The following HMGB1 variants were observed in gnomAD, a reference collection of about 807,000 sequenced individuals.
The protein encoded by HMGB1 is high mobility group box 1.
For synonymous variants in HMGB1, 81 were observed against 84.0 expected (o/e 0.96, Z 0.19); for missense variants, 79 against 253.5 (o/e 0.31, Z 4.67).
intron 1 of HMGB1, among the ~76,000 whole-genome samples, chr13:30,551,536 T>C (rs2137513553): frequency 6.6e-6 from 1 of 152,360 alleles, no homozygotes; most frequent in East Asian, 1.9e-4. Context: ...ATTAAACTGC[T>C]GCTAAAGTGA....
rs1555238869 is a variant in HMGB1, at chr13:30,538,667, T to TC, written c.-14-74974dup. Among the ~76,000 whole-genome samples, 120 of 17,768 alleles carry TC rather than the reference T, an allele frequency of 6.8e-3. 2 individuals carry two copies. The highest frequency in any genetic ancestry group is 0.014 in the African/African-American group (113 of 8,134). 11.7% of individuals were successfully genotyped at this position (17,768 alleles called of 152,430 possible). A position where few individuals can be genotyped will look rare whatever the true frequency, so the allele number is the denominator to read the frequency against. ...CCTTTCTTTCTTTCTTTCTTTCCTT[T>TC]CTTTCTTTCTTTCTTTCCTTTCTTT... On this transcript the variant is annotated intron_variant, in intron 1 of 4. Coordinates refer to the HMGB1 transcript ENST00000405805.
chr13:30,507,016 C>T (rs532978118), intron 1 of HMGB1, among the ~76,000 whole-genome samples: 62 of 152,294 alleles, frequency 4.1e-4, no homozygotes, highest in Middle Eastern at 3.4e-3. Context: ...CAAAGCAAAG[C>T]GATCAGGGTG....
At chr13:30,586,709 T>A (rs9508804) in intron 1 of HMGB1, among the ~76,000 whole-genome samples, 26,345 of 151,938 alleles carry the variant, frequency 0.17, 2,938 homozygotes, top group Middle Eastern at 0.33. Context: ...GGTCTTAAAC[T>A]CCTGACCTCA....
At chr13:30,538,621 CTCT>C (rs1868643989) in intron 1 of HMGB1, among the ~76,000 whole-genome samples, 1 of 109,290 alleles carries the variant, frequency 9.1e-6, no homozygotes, top group African/African-American at 5.3e-5. Context: ...CTCTTTCTCT[CTCT>C]CTTTCTTTTT....
At chr13:30,521,298 A>G (rs1342315812) in intron 1 of HMGB1, among the ~76,000 whole-genome samples, 2 of 152,242 alleles carry the variant, frequency 1.3e-5, no homozygotes, top group Non-Finnish European at 1.5e-5. Flanking sequence ...TATGTTGAGA[A>G]TGTACTGATA....
intron 3 of HMGB1, 124 bp downstream of exon 3, chr13:30,463,083 C>A (rs942506862): frequency 1.0e-6 from 1 of 955,738 alleles, no homozygotes. Flanking sequence ...CCAATATGAA[C>A]AAGTATTAGC....
intron 1 of HMGB1, among the ~76,000 whole-genome samples, chr13:30,538,599 T>TTTTC (rs1332312388): frequency 7.1e-6 from 1 of 140,510 alleles, no homozygotes; most frequent in Non-Finnish European, 1.5e-5. Context: ...TCTTTCTTCT[T>TTTTC]TTTCTTTCTT....
At chr13:30,498,626 AATTATTATTATTATT>A (rs71192659) in intron 1 of HMGB1, among the ~76,000 whole-genome samples, 51 of 143,966 alleles carry the variant, frequency 3.5e-4, no homozygotes, top group Middle Eastern at 3.6e-3. Flanking sequence ...GGAATCAGCA[AATTATTATTATTATT>A]ATTATTATTA....
At position 30,538,535 on chromosome 13, in the gene HMGB1, TC is replaced by T. The variant is rs1167636423; in HGVS notation, c.-14-74842del. On this transcript the variant is annotated intron_variant, in intron 1 of 4. Transcript: ENST00000405805. ...CCTTTCTTTCTTTCCTTTCTTTCTTTCCTTTCTTTCTTTCTTTCTTTTTCTT... is the reference window on the plus strand; with the variant it reads ...CCTTTCTTTCTTTCCTTTCTTTCTTTCTTTCTTTCTTTCTTTCTTTTTCTT... 8.1e-5 allele frequency among the ~76,000 whole-genome samples: 11 copies of T among 136,138 alleles called. 1 individual carries two copies. The highest frequency in any genetic ancestry group is 3.6e-4 in the African/African-American group (11 of 30,590). The allele number at this position is 136,138 out of a possible 152,430, so 89.3% of individuals were successfully genotyped here.
At chr13:30,488,426 T>G (rs868751510) in intron 1 of HMGB1, among the ~76,000 whole-genome samples, 4 of 152,076 alleles carry the variant, frequency 2.6e-5, no homozygotes, top group Non-Finnish European at 4.4e-5. Flanking sequence ...CCCAAAAGAT[T>G]CAAAGTAGTA....
At chr13:30,550,063 T>C (rs576297655) in intron 1 of HMGB1, among the ~76,000 whole-genome samples, 1 of 151,092 alleles carries the variant, frequency 6.6e-6, no homozygotes, top group African/African-American at 2.5e-5. Flanking sequence ...CTTTTATAAA[T>C]TAATATTCAA....
chr13:30,601,088 G>A (rs949890323), intron 1 of HMGB1, among the ~76,000 whole-genome samples: 3 of 151,998 alleles, frequency 2.0e-5, no homozygotes, highest in Non-Finnish European at 4.4e-5. Context: ...TGTAATCTCC[G>A]CCACCCTTAA....
chr13:30,570,064 G>A (rs996819574), intron 1 of HMGB1, among the ~76,000 whole-genome samples: 9 of 152,170 alleles, frequency 5.9e-5, no homozygotes, highest in South Asian at 2.1e-4. Context: ...GGTCAACAGC[G>A]ATTTCTTTGT....
At chr13:30,539,414 T>G (rs1172140421) in intron 1 of HMGB1, among the ~76,000 whole-genome samples, 1 of 152,250 alleles carries the variant, frequency 6.6e-6, no homozygotes, top group Non-Finnish European at 1.5e-5. Context: ...TGAAGGCCAT[T>G]GATCCTTTGA....
chr13:30,526,652 AGT>A (rs1888374766), intron 1 of HMGB1, among the ~76,000 whole-genome samples: 1 of 152,208 alleles, frequency 6.6e-6, no homozygotes, highest in African/African-American at 2.4e-5. Flanking sequence ...GGAACCTGAC[AGT>A]GCTTGGCACA....
At chr13:30,478,615 T>C (rs771779891) in intron 1 of HMGB1, among the ~76,000 whole-genome samples, 1 of 152,202 alleles carries the variant, frequency 6.6e-6, no homozygotes, top group East Asian at 1.9e-4. Context: ...TGAAAGAATA[T>C]ACTAATAAAT....
intron 1 of HMGB1, among the ~76,000 whole-genome samples, chr13:30,495,402 T>A (rs1887586553): frequency 6.6e-6 from 1 of 152,210 alleles, no homozygotes; most frequent in African/African-American, 2.4e-5. Context: ...CAATATATAT[T>A]TCCTGGTCAC....
chr13:30,503,510 T>A (rs1887783063), intron 1 of HMGB1, among the ~76,000 whole-genome samples: 1 of 152,110 alleles, frequency 6.6e-6, no homozygotes, highest in African/African-American at 2.4e-5. Flanking sequence ...CTGTATACTG[T>A]ATCTTTTATG....
chr13:30,466,060 T>G, upstream of HMGB1: 1 of 588,200 alleles, frequency 1.7e-6, no homozygotes, highest in Non-Finnish European at 2.1e-6. Context: ...GGACACGTCA[T>G]CAAGGATTGA....
Sources: allele counts gnomAD v4.1 joint callset (sites outside exome capture counted in the v4.1 genomes callset), GRCh38; gene constraint gnomAD v4.1.1; transcripts MANE v1.5; gene names NCBI Gene and HGNC (gene_info 2026-07-23, HGNC 2026-07-21).